ITGB5: variants seen among roughly 807,000 people sequenced by gnomAD.
ITGB5 encodes integrin beta-5.
A neutral mutation model predicts 84.8 loss-of-function variants in ITGB5; 38 were observed. The observed-to-expected ratio is 0.45, with a 90% CI of 0.35 to 0.59. The LOEUF (loss-of-function observed/expected upper bound fraction) is 0.59, where lower values mean the gene tolerates loss of function less well. Among genes scored for constraint, ITGB5 ranks in the 20% least tolerant of loss-of-function variants. ITGB5 has a pLI of 0.01. For synonymous variants in ITGB5, 393 were observed against 414.4 expected, an observed-to-expected ratio of 0.95 and a Z score of 0.63; for missense variants, 905 against 1,034.5, an observed-to-expected ratio of 0.87 and a Z score of 1.72.
chr3:124,836,550 T>C (rs976742482), intron 5 of ITGB5, among the ~76,000 whole-genome samples: 1 of 152,106 alleles, frequency 6.6e-6, no homozygotes, highest in Non-Finnish European at 1.5e-5. Context: ...AGTCACTGAG[T>C]AATAAAAAGG....
At chr3:124,829,252 A>G (rs1311238116) in intron 5 of ITGB5, among the ~76,000 whole-genome samples, 1 of 152,236 alleles carries the variant, frequency 6.6e-6, no homozygotes, top group Admixed American at 6.5e-5. Flanking sequence ...AGACCTATTT[A>G]TTTAGCTGAA....
At chr3:124,766,097 C>T in intron 13 of ITGB5, 129 bp downstream of exon 13, 1 of 891,026 alleles carries the variant, frequency 1.1e-6, no homozygotes, top group Non-Finnish European at 1.7e-6. Context: ...AAATTGTATC[C>T]CTCCTCTCCC....
At chr3:124,835,236 G>C (rs566104503) in intron 5 of ITGB5, among the ~76,000 whole-genome samples, 39 of 152,248 alleles carry the variant, frequency 2.6e-4, no homozygotes, top group African/African-American at 8.0e-4. Context: ...AGCAGCTGTC[G>C]GTGGGGCTGC....
chr3:124,848,419 C>T lies in ITGB5; in HGVS notation c.501G>A (p.Glu167=). The T allele has an allele frequency of 1.2e-6, 2 of 1,614,208 alleles. No individual in the cohort carries two copies. Among genetic ancestry groups the T allele is most frequent in the Non-Finnish European group, 1.7e-6 (2 of 1,180,046 alleles). Residue 167 remains glutamate (E), a synonymous_variant, in exon 4 of 15, where the codon GAG becomes GAA. Coordinates refer to ENST00000296181, the MANE Select transcript of ITGB5 (RefSeq NM_002213.5). ...GGAAGTTGCTGGTGAGCTTCCTCAT[C>T]TCCTCCGCGAGTTTGGTGCCCAGGC... The part of the protein sequence containing the change: ...IRSLGTKLAE[E]MRKLTSNFRL...
intron 1 of ITGB5, among the ~76,000 whole-genome samples, chr3:124,875,593 A>G (rs1934273153): frequency 6.6e-6 from 1 of 152,198 alleles, no homozygotes. Flanking sequence ...TATTATGGAA[A>G]ATGATATGGA....
intron 9 of ITGB5, among the ~76,000 whole-genome samples, chr3:124,807,233 T>C (rs2064418834): frequency 6.6e-6 from 1 of 152,096 alleles, no homozygotes; most frequent in African/African-American, 2.4e-5. Flanking sequence ...CTGAGCAACA[T>C]GGTGAAACTC....
chr3:124,820,972 GGCACA>G (rs1396292402), intron 6 of ITGB5, among the ~76,000 whole-genome samples: 1 of 152,020 alleles, frequency 6.6e-6, no homozygotes, highest in East Asian at 1.9e-4. Context: ...CTTCTGCAGG[GGCACA>G]GCACCCACCC....
intron 5 of ITGB5, among the ~76,000 whole-genome samples, chr3:124,832,414 T>C (rs1413707562): frequency 6.6e-6 from 1 of 152,190 alleles, no homozygotes. Flanking sequence ...TCAAAGGAGA[T>C]AGTAAAGCCA....
chr3:124,767,086 T>C (rs1410875076), intron 12 of ITGB5, among the ~76,000 whole-genome samples: 3 of 152,132 alleles, frequency 2.0e-5, no homozygotes, highest in Non-Finnish European at 4.4e-5. Context: ...AAGGCTTCCC[T>C]GGGAGAGGGT....
chr3:124,846,934 C>CA (rs914831603), intron 4 of ITGB5, among the ~76,000 whole-genome samples: 5 of 150,470 alleles, frequency 3.3e-5, no homozygotes, highest in East Asian at 1.9e-4. Context: ...GACTCCGTCT[C>CA]AAAAAAAAAT....
chr3:124,772,118 G>GCTGA (rs1302529811), intron 11 of ITGB5, among the ~76,000 whole-genome samples: 1 of 152,192 alleles, frequency 6.6e-6, no homozygotes, highest in East Asian at 1.9e-4. Flanking sequence ...GTGGATAATG[G>GCTGA]CTGACTCTGT....
At chr3:124,864,050 A>AAAAG (rs375316276) in intron 2 of ITGB5, among the ~76,000 whole-genome samples, 3,398 of 137,734 alleles carry the variant, frequency 0.025, 65 homozygotes, top group African/African-American at 0.037. Context: ...AGAAAAAAGA[A>AAAAG]AAAGAAAGAA....
intron 5 of ITGB5, among the ~76,000 whole-genome samples, chr3:124,828,072 C>T (rs1428787946): frequency 3.9e-5 from 6 of 152,004 alleles, no homozygotes; most frequent in African/African-American, 7.3e-5. Context: ...TTATTGTTCG[C>T]GCAAAGCCTG....
chr3:124,803,971 A>G (rs1252271284), intron 9 of ITGB5, among the ~76,000 whole-genome samples: 1 of 152,202 alleles, frequency 6.6e-6, no homozygotes, highest in African/African-American at 2.4e-5. Context: ...ACAGGCAATT[A>G]GTGACCACAG....
intron 10 of ITGB5, among the ~76,000 whole-genome samples, chr3:124,794,486 G>C (rs985461967): frequency 1.3e-5 from 2 of 152,164 alleles, no homozygotes; most frequent in African/African-American, 4.8e-5. Flanking sequence ...CTGTTTAACA[G>C]AACGAAAAGG....
intron 9 of ITGB5, among the ~76,000 whole-genome samples, chr3:124,807,623 G>A (rs2064426621): frequency 6.6e-6 from 1 of 151,870 alleles, no homozygotes. Flanking sequence ...GGGGAGCGAG[G>A]CACTGCAGAA....
chr3:124,841,338 A>T, intron 5 of ITGB5, 45 bp downstream of exon 5: 1 of 1,591,146 alleles, frequency 6.3e-7, no homozygotes, highest in Non-Finnish European at 8.6e-7. Flanking sequence ...GACGCTCTCT[A>T]CCTTGACCTC....
chr3:124,865,551 A>T (rs187872156), intron 2 of ITGB5, among the ~76,000 whole-genome samples: 2,427 of 129,340 alleles, frequency 0.019, 35 homozygotes, highest in Non-Finnish European at 0.029. Flanking sequence ...CAGTGACGTG[A>T]TCACCACTCA....
Position 124,766,239 on chromosome 3 carries a change from G to A in ITGB5, c.2124C>T (p.Val708=). The A allele has an allele frequency of 6.2e-7, 1 of 1,613,984 alleles. No homozygotes were observed. Among genetic ancestry groups the A allele is most frequent in the Non-Finnish European group, 8.5e-7 (1 of 1,179,978 alleles). The part of the protein sequence containing the change: ...ELPSGKSNLT[V]LREPECGNTP... ...GCCCTCACCTACCTGGCTCCCTGAG[G>A]ACGGTCAGGTTGGACTTCCCACTGG... The change falls in exon 13 of 15, where the codon GTC becomes GTT. Residue 708 remains valine (V), a synonymous_variant. Transcript: ENST00000296181.
Sources: allele counts gnomAD v4.1 joint callset (sites outside exome capture counted in the v4.1 genomes callset), GRCh38; gene constraint gnomAD v4.1.1; transcripts MANE v1.5; gene names NCBI Gene and HGNC (gene_info 2026-07-23, HGNC 2026-07-21).